The following NFIA variants were observed in gnomAD, a reference collection of about 807,000 sequenced individuals.
The protein encoded by NFIA is nuclear factor 1 A-type.
Under a neutral mutation model 62.8 loss-of-function variants are expected in NFIA, and 8 were observed. The ratio of observed to expected loss-of-function variants is 0.13; its 90% CI spans 0.07 to 0.23. NFIA has a LOEUF of 0.23. Among genes scored for constraint, NFIA ranks in the 10% least tolerant of loss-of-function variants. The probability of loss-of-function intolerance (pLI) is 1.00; values close to 1 mark genes in which losing one functional copy is unlikely to be tolerated. For missense variants in NFIA, 410 were observed against 642.1 expected (o/e 0.64, Z 3.91); for synonymous variants, 235 against 238.1 (o/e 0.99, Z 0.12).
intron 2 of NFIA, among the ~76,000 whole-genome samples, chr1:61,146,710 A>C (rs1250384169): frequency 6.6e-6 from 1 of 152,108 alleles, no homozygotes; most frequent in Non-Finnish European, 1.5e-5. Flanking sequence ...CTTGTTGCCC[A>C]CTGTCCCCAT....
chr1:61,210,178 G>A (rs1653158633), intron 2 of NFIA, among the ~76,000 whole-genome samples: 1 of 152,162 alleles, frequency 6.6e-6, no homozygotes, highest in Admixed American at 6.5e-5. Context: ...CCTTAGCTCA[G>A]GGCTGTCTCA....
At chr1:61,083,151 C>G (rs1646147742) in intron 1 of NFIA, among the ~76,000 whole-genome samples, 1 of 152,266 alleles carries the variant, frequency 6.6e-6, no homozygotes, top group South Asian at 2.1e-4. Context: ...TTCGGACACC[C>G]CGCACGTGTT....
intron 3 of NFIA, among the ~76,000 whole-genome samples, chr1:61,283,594 A>AAAAGAAAAAG (rs1553168460): frequency 1.4e-4 from 15 of 110,112 alleles, no homozygotes; most frequent in South Asian, 3.1e-4. Flanking sequence ...AAAAAAAAAA[A>AAAAGAAAAAG]AAAAAAAAAA....
intron 10 of NFIA, among the ~76,000 whole-genome samples, chr1:61,432,955 C>T (rs1210194568): frequency 1.3e-5 from 2 of 152,092 alleles, no homozygotes; most frequent in Non-Finnish European, 2.9e-5. Context: ...ATGAGGAAAC[C>T]GAAGTTTCAG....
chr1:61,224,212 T>A (rs1304718956), intron 2 of NFIA, among the ~76,000 whole-genome samples: 3 of 152,190 alleles, frequency 2.0e-5, no homozygotes, highest in Admixed American at 1.3e-4. Flanking sequence ...AACTTTTCAA[T>A]TTAATTTTAA....
intron 3 of NFIA, among the ~76,000 whole-genome samples, chr1:61,325,203 C>T (rs1273663799): frequency 2.0e-5 from 3 of 152,172 alleles, no homozygotes; most frequent in Non-Finnish European, 4.4e-5. Context: ...AATGGAGGAT[C>T]TTTCAATATT....
At chr1:61,203,850 G>C (rs368349629) in intron 2 of NFIA, among the ~76,000 whole-genome samples, 1 of 152,156 alleles carries the variant, frequency 6.6e-6, no homozygotes, top group East Asian at 1.9e-4. Flanking sequence ...CGGCCTTTGA[G>C]TGATAAAGAT....
At position 61,082,778 on chromosome 1, in the gene NFIA, A is replaced by G. The variant is rs1445014299; in HGVS notation, c.-14A>G. ...ACACCCAGACGCACACGCATACCCCAGCGCCCGGCAGTTATGTATTCTCCG... is the reference window on the plus strand; with the variant it reads ...ACACCCAGACGCACACGCATACCCCGGCGCCCGGCAGTTATGTATTCTCCG... On this transcript the variant is annotated 5_prime_UTR_variant, in exon 1 of 11. Coordinates refer to ENST00000403491, the MANE Select transcript of NFIA (RefSeq NM_001134673.4). 5.8e-6 allele frequency: 9 copies of G among 1,545,620 alleles called. No individual in the cohort carries two copies. Among genetic ancestry groups the G allele is most frequent in the African/African-American group, 5.6e-5 (4 of 71,086 alleles).
At chr1:61,200,553 A>T (rs985724470) in intron 2 of NFIA, among the ~76,000 whole-genome samples, 6 of 152,174 alleles carry the variant, frequency 3.9e-5, no homozygotes, top group African/African-American at 1.4e-4. Flanking sequence ...TTGCTGATGG[A>T]GCTTCTGCTA....
chr1:61,327,714 G>T (rs563540465), intron 3 of NFIA, among the ~76,000 whole-genome samples: 1 of 152,166 alleles, frequency 6.6e-6, no homozygotes, highest in East Asian at 1.9e-4. Context: ...GATTTGTGTG[G>T]CAGTAAACAT....
intron 2 of NFIA, among the ~76,000 whole-genome samples, chr1:61,181,673 C>G (rs912736810): frequency 7.9e-5 from 12 of 152,062 alleles, no homozygotes; most frequent in African/African-American, 2.7e-4. Context: ...ACTGATGTAT[C>G]ATAGCACTGT....
intron 4 of NFIA, among the ~76,000 whole-genome samples, chr1:61,342,593 C>G (rs1411061559): frequency 6.6e-6 from 1 of 152,188 alleles, no homozygotes; most frequent in Non-Finnish European, 1.5e-5. Flanking sequence ...GTGGCAGGGC[C>G]CTTCATCCAA....
intron 6 of NFIA, among the ~76,000 whole-genome samples, chr1:61,382,077 T>C (rs373844923): frequency 3.3e-5 from 5 of 152,312 alleles, no homozygotes; most frequent in Middle Eastern, 3.4e-3. Flanking sequence ...ATTTGGTTCT[T>C]TTAACATCAG....
intron 7 of NFIA, among the ~76,000 whole-genome samples, chr1:61,400,293 C>T (rs1665486043): frequency 6.6e-6 from 1 of 152,188 alleles, no homozygotes; most frequent in Non-Finnish European, 1.5e-5. Context: ...TCCTTCCCAT[C>T]TTATTTATAT....
intron 2 of NFIA, among the ~76,000 whole-genome samples, chr1:61,243,407 A>G (rs1244761826): frequency 6.6e-6 from 1 of 152,180 alleles, no homozygotes; most frequent in Non-Finnish European, 1.5e-5. Flanking sequence ...ATTGTACTGT[A>G]AGTTAGTGAC....
chr1:61,116,370 G>T (rs1217154518), intron 2 of NFIA, among the ~76,000 whole-genome samples: 1 of 152,170 alleles, frequency 6.6e-6, no homozygotes, highest in East Asian at 1.9e-4. Context: ...GAAAACATGG[G>T]CATAGAAAGT....
intron 5 of NFIA, among the ~76,000 whole-genome samples, chr1:61,352,787 A>ACACG (rs1553176870): frequency 6.7e-6 from 1 of 148,296 alleles, no homozygotes; most frequent in Admixed American, 6.7e-5. Context: ...ACACACACGC[A>ACACG]CACACACTAA....
chr1:61,343,325 G>A (rs1000949291), intron 4 of NFIA, among the ~76,000 whole-genome samples: 3 of 152,036 alleles, frequency 2.0e-5, no homozygotes, highest in South Asian at 2.1e-4. Flanking sequence ...AAAATGTATC[G>A]GTTAATTTTT....
At chr1:61,293,986 C>T (rs1399581889) in intron 3 of NFIA, among the ~76,000 whole-genome samples, 1 of 152,132 alleles carries the variant, frequency 6.6e-6, no homozygotes, top group Non-Finnish European at 1.5e-5. Flanking sequence ...CAGAAAAAGT[C>T]CATTTGTTGA....
Sources: allele counts gnomAD v4.1 joint callset (sites outside exome capture counted in the v4.1 genomes callset), GRCh38; gene constraint gnomAD v4.1.1; transcripts MANE v1.5; gene names NCBI Gene and HGNC (gene_info 2026-07-23, HGNC 2026-07-21).